Variants in ARHGEF11 observed in about 807,000 individuals in gnomAD.
The protein encoded by ARHGEF11 is Rho guanine exchange factor (GEF) 11.
ARHGEF11 carries 55 observed loss-of-function variants against 193.7 expected under a neutral mutation model. The observed-to-expected ratio is 0.28, with a 90% CI of 0.23 to 0.36. ARHGEF11 has a LOEUF of 0.36. ARHGEF11 is among the 10% of genes least tolerant of loss of function. The pLI is 1.00. For synonymous variants in ARHGEF11, 693 were observed against 768.0 expected (o/e 0.90, Z 1.62); for missense variants, 1,723 against 2,005.6 (o/e 0.86, Z 2.69).
intron 29 of ARHGEF11, 174 bp from the exon 30 acceptor site, chr1:156,945,371 T>C (rs914487394): frequency 8.0e-6 from 5 of 628,634 alleles, no homozygotes; most frequent in South Asian, 2.0e-5. Context: ...AGGGTAACTT[T>C]TACTGAGCAT....
chr1:157,036,386 A>G (rs1275186907), intron 1 of ARHGEF11, among the ~76,000 whole-genome samples: 29 of 151,622 alleles, frequency 1.9e-4, no homozygotes, highest in Non-Finnish European at 1.5e-5. Flanking sequence ...CAGGGGTGCG[A>G]TCTCAGCTCC....
At chr1:157,020,912 C>T (rs1669894054) in intron 1 of ARHGEF11, among the ~76,000 whole-genome samples, 1 of 152,200 alleles carries the variant, frequency 6.6e-6, no homozygotes, top group South Asian at 2.1e-4. Context: ...CAAAAGCCAG[C>T]AAAATGTTAT....
intron 22 of ARHGEF11, 56 bp downstream of exon 22, chr1:156,951,517 C>A: frequency 1.0e-5 from 16 of 1,604,124 alleles, no homozygotes; most frequent in Non-Finnish European, 1.4e-5. Context: ...CTAGCATCAG[C>A]CCTGCCCATG....
chr1:157,041,097 G>A (rs1672687244), intron 1 of ARHGEF11, among the ~76,000 whole-genome samples: 1 of 152,188 alleles, frequency 6.6e-6, no homozygotes, highest in Non-Finnish European at 1.5e-5. Context: ...GCAGAGGAAA[G>A]ATGTTTCATG....
chr1:157,001,652 G>A (rs1667218517), intron 1 of ARHGEF11, among the ~76,000 whole-genome samples: 1 of 152,228 alleles, frequency 6.6e-6, no homozygotes, highest in Non-Finnish European at 1.5e-5. Flanking sequence ...TCACACAAAT[G>A]GAGGGTGCCC....
intron 11 of ARHGEF11, among the ~76,000 whole-genome samples, chr1:156,966,217 G>A (rs1043128447): frequency 6.6e-6 from 1 of 152,116 alleles, no homozygotes; most frequent in Admixed American, 6.5e-5. Context: ...AATTACTTTA[G>A]AGACCCCATC....
intron 11 of ARHGEF11, chr1:156,963,873 T>G (rs1466700896): frequency 2.2e-5 from 19 of 864,988 alleles, no homozygotes; most frequent in African/African-American, 3.5e-5. Flanking sequence ...TCTTCCTGTT[T>G]GCAAAAGATC....
chr1:156,942,662 TACGGGTA>T, intron 33 of ARHGEF11, 21 bp downstream of exon 33: 1 of 1,605,814 alleles, frequency 6.2e-7, no homozygotes, highest in Non-Finnish European at 8.5e-7. Context: ...GGACCACAGT[TACGGGTA>T]ACCCCTCAAT....
At chr1:157,004,459 GGGAGTAATTA>G (rs1469018007) in intron 1 of ARHGEF11, among the ~76,000 whole-genome samples, 1 of 152,152 alleles carries the variant, frequency 6.6e-6, no homozygotes, top group Admixed American at 6.5e-5. Flanking sequence ...GCTCAAGGCA[GGGAGTAATTA>G]GGCCCATACC....
chr1:156,943,070 T>TC (rs1307634879), intron 32 of ARHGEF11, among the ~76,000 whole-genome samples: 1 of 151,470 alleles, frequency 6.6e-6, no homozygotes, highest in Non-Finnish European at 1.5e-5. Context: ...TAAAACTTTT[T>TC]TTTTTTTTGA....
At chr1:157,015,825 A>C (rs1669152276) in intron 1 of ARHGEF11, among the ~76,000 whole-genome samples, 1 of 152,186 alleles carries the variant, frequency 6.6e-6, no homozygotes, top group African/African-American at 2.4e-5. Context: ...GGGGAGCCAG[A>C]TACACTCATT....
At chr1:157,007,143 A>G (rs979576696) in intron 1 of ARHGEF11, among the ~76,000 whole-genome samples, 2 of 152,192 alleles carry the variant, frequency 1.3e-5, no homozygotes, top group African/African-American at 2.4e-5. Flanking sequence ...AAAGGAGGAG[A>G]AAAAACAGGA....
intron 1 of ARHGEF11, among the ~76,000 whole-genome samples, chr1:157,012,119 T>C (rs1315259589): frequency 6.6e-6 from 1 of 152,138 alleles, no homozygotes; most frequent in Non-Finnish European, 1.5e-5. Flanking sequence ...AAAGATGGCA[T>C]ATCCACACAA....
chr1:156,995,671 C>T (rs1666378965), intron 1 of ARHGEF11, among the ~76,000 whole-genome samples: 1 of 150,778 alleles, frequency 6.6e-6, no homozygotes, highest in Admixed American at 6.6e-5. Flanking sequence ...AAGCAATCCT[C>T]CCACCTAAGC....
At position 156,940,330 on chromosome 1, in the gene ARHGEF11, G is replaced by A. The variant is rs1656551787; in HGVS notation, c.3610C>T (p.Leu1204=). ...TCCAGGGATGTGGAAGGGCAAGGCAGGACACCCAGTTCCTCTTCCTCTGCA... is the reference window on the plus strand; with the variant it reads ...TCCAGGGATGTGGAAGGGCAAGGCAAGACACCCAGTTCCTCTTCCTCTGCA... ...GSAEEEELGV[L]PCPSTSLDGE... Residue 1204 remains leucine (L), a synonymous_variant, in exon 36 of 41, where the codon CTG becomes TTG. Transcript: ENST00000368194. 3.7e-6 allele frequency: 6 copies of A among 1,613,948 alleles called. No homozygotes were observed. Among genetic ancestry groups the A allele is most frequent in the Non-Finnish European group, 5.1e-6 (6 of 1,179,884 alleles).
chr1:157,038,373 T>A (rs535025150), intron 1 of ARHGEF11, among the ~76,000 whole-genome samples: 12 of 152,338 alleles, frequency 7.9e-5, no homozygotes, highest in Admixed American at 5.2e-4. Context: ...AGTTTGCTAT[T>A]CTTTAAAATG....
Position 156,941,997 on chromosome 1 carries a change from T to C in ARHGEF11, c.3327-8A>G, listed in dbSNP as rs1657086119. 6.2e-7 allele frequency: 1 copy of C among 1,613,904 alleles called. No homozygotes were observed. The highest frequency in any genetic ancestry group is 1.3e-5 in the African/African-American group (1 of 74,874). On this transcript the variant is annotated splice_region_variant and splice_polypyrimidine_tract_variant and intron_variant, in intron 33 of 40. Coordinates refer to ENST00000368194, the MANE Select transcript of ARHGEF11 (RefSeq NM_198236.3). ...TCTAAGAGCTCCATCCATCTGTTGC[T>C]CGGCAGGAACAGAGAGGACTGTAGT...
In ARHGEF11 at chr1:157,013,263, TCACACACACACA is replaced by T. The variant is rs71084208; in HGVS notation, c.33-27102_33-27091del. ...ACTGCTCATAACTCCCCACTATCACTCACACACACACACACACACACACACACACACACACAC... is the reference window on the plus strand; with the variant it reads ...ACTGCTCATAACTCCCCACTATCACTCACACACACACACACACACACACAC... On this transcript the variant is annotated intron_variant, in intron 1 of 40. Coordinates refer to ENST00000368194, the MANE Select transcript of ARHGEF11 (RefSeq NM_198236.3). Among the ~76,000 whole-genome samples the T allele has an allele frequency of 2.3e-4, 32 of 140,808 alleles. 2 individuals carry two copies. The highest frequency in any genetic ancestry group is 8.7e-4 in the African/African-American group (32 of 36,732). The allele number at this position is 140,808 out of a possible 152,430, so 92.4% of individuals were successfully genotyped here. A position where few individuals can be genotyped will look rare whatever the true frequency, so the allele number is the denominator to read the frequency against.
intron 1 of ARHGEF11, among the ~76,000 whole-genome samples, chr1:156,992,615 G>GTGTA (rs1665908521): frequency 7.6e-6 from 1 of 131,658 alleles, no homozygotes; most frequent in South Asian, 2.4e-4. Flanking sequence ...GTGTGTGTGT[G>GTGTA]TATATATATA....
Sources: allele counts gnomAD v4.1 joint callset (sites outside exome capture counted in the v4.1 genomes callset), GRCh38; gene constraint gnomAD v4.1.1; transcripts MANE v1.5; gene names NCBI Gene and HGNC (gene_info 2026-07-23, HGNC 2026-07-21).